Variants in DNM2 observed in about 807,000 individuals in gnomAD.
The protein encoded by DNM2 is dynamin 2.
In DNM2, 15 loss-of-function variants were observed where a neutral mutation model predicts 99.0. The observed-to-expected ratio is 0.15, with a 90% CI of 0.10 to 0.23. The LOEUF (loss-of-function observed/expected upper bound fraction) is 0.23. Ranked by LOEUF, DNM2 falls within the 10% of genes least tolerant of loss-of-function variation. DNM2 has a pLI of 1.00. For synonymous variants in DNM2, 525 were observed against 481.2 expected (o/e 1.09, Z -1.19); for missense variants, 742 against 1,189.4 (o/e 0.62, Z 5.53).
intron 1 of DNM2, among the ~76,000 whole-genome samples, chr19:10,738,836 C>T (rs1445431266): frequency 6.7e-6 from 1 of 148,482 alleles, no homozygotes; most frequent in Non-Finnish European, 1.5e-5. Flanking sequence ...CACCGTTGCA[C>T]TCCAGCCTGG....
chr19:10,738,563 C>G (rs1038197198), intron 1 of DNM2, among the ~76,000 whole-genome samples: 1 of 150,868 alleles, frequency 6.6e-6, no homozygotes, highest in African/African-American at 2.4e-5. Flanking sequence ...GCGGTTGTTA[C>G]TCTTTAAGAA....
intron 1 of DNM2, among the ~76,000 whole-genome samples, chr19:10,745,793 C>G (rs1470032369): frequency 6.6e-6 from 1 of 152,100 alleles, no homozygotes; most frequent in African/African-American, 2.4e-5. Flanking sequence ...AGGTGGGCAT[C>G]AGTAGGGGAC....
chr19:10,721,516 G>A (rs2068940666), intron 1 of DNM2, among the ~76,000 whole-genome samples: 1 of 152,116 alleles, frequency 6.6e-6, no homozygotes, highest in South Asian at 2.1e-4. Context: ...CTCTCTTTGG[G>A]TATGAGGGGC....
rs1293632300 is a variant in DNM2, at chr19:10,785,065, G to A, written c.850-1499G>A. On this transcript the variant is annotated intron_variant, in intron 6 of 20. Coordinates refer to ENST00000389253, the MANE Select transcript of DNM2 (RefSeq NM_001005361.3). ...TCTCCTAATCTCAGGTGATCTGCCC[G>A]CCTTAGCCTCCCAAAGTGCTGGGAT... Among the ~76,000 whole-genome samples, 8 of 151,980 alleles carry A rather than the reference G, an allele frequency of 5.3e-5. No homozygotes were observed. In the East Asian group the frequency reaches 5.8e-4, roughly 11 times the overall value.
chr19:10,782,931 GC>G, intron 5 of DNM2, 28 bp from the exon 6 acceptor site: 1 of 1,613,790 alleles, frequency 6.2e-7, no homozygotes, highest in Non-Finnish European at 8.5e-7. Flanking sequence ...ACCTAGCTTT[GC>G]CCCTGACCTG....
chr19:10,830,200 C>T lies in DNM2; in HGVS notation c.2365C>T (p.Pro789Ser), dbSNP rs876661218. The T allele has an allele frequency of 6.2e-7, 1 of 1,613,506 alleles. No homozygotes were observed. Among genetic ancestry groups the T allele is most frequent in the Middle Eastern group, 1.7e-4 (1 of 6,058 alleles). ...GRPPAVRGPT[P>S]GPPLIPVPVG... ...GCCCCCAGCAGTGAGGGGCCCCACT[C>T]CAGGGCCCCCCCTGATTCCTGTTCC... Residue 789 changes from proline to serine, a missense_variant, in exon 20 of 21, where the codon CCA (proline) becomes TCA (serine). Physicochemically the swap from Pro to Ser is moderately conservative, Grantham distance 74 (BLOSUM62 -1). Transcript: ENST00000389253. The surrounding 1 kb of genome is among the most constrained non-coding windows in gnomAD (Gnocchi z 4.8).
intron 7 of DNM2, 165 bp downstream of exon 7, chr19:10,786,871 G>A (rs1394711928): frequency 1.1e-5 from 15 of 1,419,840 alleles, no homozygotes; most frequent in East Asian, 5.0e-5. Flanking sequence ...CATGGCATTC[G>A]CCCCAGTGGA....
In DNM2 at chr19:10,764,482, A is replaced by C. The variant is rs116609051; in HGVS notation, c.235+4671A>C. ...CCACCAGGAAGTTTGGTGGCCCATG[A>C]GTGAACCCTGCCCTCACTGGGAAGC... On this transcript the variant is annotated intron_variant, in intron 2 of 20. Transcript: ENST00000389253. This position sits in a 1 kb window ranked among gnomAD's most constrained non-coding sequence, Gnocchi z 4.1. Among the ~76,000 whole-genome samples, 977 of 152,328 alleles carry C rather than the reference A, an allele frequency of 6.4e-3. 8 individuals are homozygous for C. The highest frequency in any genetic ancestry group is 0.022 in the African/African-American group (924 of 41,566).
In DNM2 at chr19:10,795,887, T is replaced by G. The variant is rs746553104; in HGVS notation, c.1196+448T>G. The G allele has an allele frequency of 7.9e-6, 8 of 1,014,466 alleles. No individual in the cohort carries two copies. Among genetic ancestry groups the G allele is most frequent in the Non-Finnish European group, 1.2e-5 (8 of 657,010 alleles). 62.8% of individuals were successfully genotyped at this position (1,014,466 alleles called of 1,614,324 possible). ...CCAGGTGTCTGCCCTTCCATCGCCGTGGGGTCCTCGGGTCACCCTGAGGGT... is the reference window on the plus strand; with the variant it reads ...CCAGGTGTCTGCCCTTCCATCGCCGGGGGGTCCTCGGGTCACCCTGAGGGT... On this transcript the variant is annotated intron_variant, in intron 9 of 20. Coordinates refer to ENST00000389253, the MANE Select transcript of DNM2 (RefSeq NM_001005361.3). The surrounding 1 kb of genome is among the most constrained non-coding windows in gnomAD (Gnocchi z 4.2).
At chr19:10,828,645 AAAT>A (rs1046940403) in intron 18 of DNM2, among the ~76,000 whole-genome samples, 3 of 152,126 alleles carry the variant, frequency 2.0e-5, no homozygotes, top group Non-Finnish European at 4.4e-5. Flanking sequence ...TTAAGGAAAT[AAAT>A]AAATAAGCTA....
intron 2 of DNM2, among the ~76,000 whole-genome samples, chr19:10,760,716 T>C (rs2070593430): frequency 6.6e-6 from 1 of 151,788 alleles, no homozygotes; most frequent in South Asian, 2.1e-4. Context: ...GGCCGTGCAG[T>C]GGTGTAGTCA....
intron 1 of DNM2, among the ~76,000 whole-genome samples, chr19:10,724,055 G>C (rs2069027051): frequency 6.7e-6 from 1 of 149,624 alleles, no homozygotes; most frequent in African/African-American, 2.5e-5. Flanking sequence ...CTGCCTTCCA[G>C]CCTGGGCGGA....
chr19:10,813,922 G>A (rs565860682), intron 15 of DNM2, among the ~76,000 whole-genome samples: 281 of 152,302 alleles, frequency 1.8e-3, no homozygotes, highest in Non-Finnish European at 2.1e-3. Context: ...TAGCACTCTG[G>A]GAGGCTGAGG....
At chr19:10,777,044 A>G in intron 4 of DNM2, 74 bp from the exon 5 acceptor site, 1 of 1,478,000 alleles carries the variant, frequency 6.8e-7, no homozygotes, top group Non-Finnish European at 9.5e-7. Flanking sequence ...ACTGGACCCC[A>G]GGTGGCTTGC....
In DNM2 at chr19:10,786,698, C is replaced by T. The variant is rs2071570724; in HGVS notation, c.984C>T (p.Ala328=). 6.2e-7 allele frequency: 1 copy of T among 1,614,042 alleles called. No individual in the cohort carries two copies. Among genetic ancestry groups the T allele is most frequent in the South Asian group, 1.1e-5 (1 of 91,088 alleles). The part of the protein sequence containing the change: ...RPDDPTRKTK[A]LLQMVQQFGV... ...ACGACCCCACCCGCAAAACCAAAGC[C>T]CTGCTGCAGTATGTACCCCGGCACC... The change falls in exon 7 of 21, where the codon GCC becomes GCT. Residue 328 remains alanine, a synonymous_variant. Coordinates refer to ENST00000389253, the MANE Select transcript of DNM2 (RefSeq NM_001005361.3).
chr19:10,802,386 G>A (rs776641048), intron 12 of DNM2, 28 bp downstream of exon 12: 21 of 1,611,714 alleles, frequency 1.3e-5, no homozygotes, highest in African/African-American at 1.1e-4. Flanking sequence ...CTGGCTGGTC[G>A]GGCGGCACCA....
chr19:10,795,398 A>G lies in DNM2; in HGVS notation c.1155A>G (p.Arg385=). 1 of 1,614,108 alleles carries G rather than the reference A, an allele frequency of 6.2e-7. No individual in the cohort carries two copies. Among genetic ancestry groups the G allele is most frequent in the African/African-American group, 1.3e-5 (1 of 75,018 alleles). Residue 385 remains arginine (R), a synonymous_variant, in exon 9 of 21, where the codon CGA becomes CGG. Coordinates refer to ENST00000389253, the MANE Select transcript of DNM2 (RefSeq NM_001005361.3). The surrounding 1 kb of genome is among the most constrained non-coding windows in gnomAD (Gnocchi z 4.2). ...VKMEFDEKDL[R]REISYAIKNI... ...TGGAGTTTGACGAGAAGGACTTACG[A>G]CGGGAGATCAGCTATGCCATTAAGA...
At chr19:10,822,606 C>G (rs950871929) in intron 16 of DNM2, among the ~76,000 whole-genome samples, 30 of 151,992 alleles carry the variant, frequency 2.0e-4, no homozygotes, top group Admixed American at 2.0e-4. Flanking sequence ...TTAAGCGATT[C>G]TCCTGCCTCA....
chr19:10,739,423 C>T (rs1000277477), intron 1 of DNM2, among the ~76,000 whole-genome samples: 2 of 152,158 alleles, frequency 1.3e-5, no homozygotes, highest in Non-Finnish European at 2.9e-5. Context: ...GCAGTTCCTC[C>T]CTCCCCCAGC....
Sources: allele counts gnomAD v4.1 joint callset (sites outside exome capture counted in the v4.1 genomes callset), GRCh38; gene constraint gnomAD v4.1.1; non-coding constraint Gnocchi (gnomAD v3.1); transcripts MANE v1.5; gene names NCBI Gene and HGNC (gene_info 2026-07-23, HGNC 2026-07-21).